Variants in HKDC1 observed in about 807,000 individuals in gnomAD.
HKDC1 encodes the protein hexokinase HKDC1.
HKDC1 carries 66 observed loss-of-function variants against 96.6 expected under a neutral mutation model. That is an observed-to-expected ratio of 0.68 (90% CI 0.56 to 0.84). The LOEUF is 0.84. Among genes scored for constraint, HKDC1 ranks in the 40% least tolerant of loss-of-function variants. HKDC1 has a pLI of 0.00. For synonymous variants in HKDC1, 466 were observed against 473.1 expected (o/e 0.98, Z 0.20); for missense variants, 1,211 against 1,208.1 (o/e 1.00, Z -0.04).
intron 16 of HKDC1, among the ~76,000 whole-genome samples, chr10:69,262,882 A>G (rs748640891): frequency 7.9e-5 from 12 of 151,568 alleles, no homozygotes; most frequent in Non-Finnish European, 1.6e-4. Flanking sequence ...CTTCTCCCTC[A>G]TAAGCAATAG....
chr10:69,221,098 C>T (rs935149309), intron 1 of HKDC1, among the ~76,000 whole-genome samples: 2 of 151,846 alleles, frequency 1.3e-5, no homozygotes, highest in Non-Finnish European at 2.9e-5. Flanking sequence ...TGCAGTGAGC[C>T]GAGATCGCGC....
chr10:69,240,582 T>C (rs1165988679), intron 5 of HKDC1, 70 bp from the exon 6 acceptor site: 18 of 1,298,216 alleles, frequency 1.4e-5, no homozygotes, highest in African/African-American at 2.9e-5. Context: ...ACCTGCTGCC[T>C]CTGTGGGGAA....
intron 2 of HKDC1, among the ~76,000 whole-genome samples, chr10:69,228,699 C>G (rs1037662417): frequency 1.3e-5 from 2 of 152,082 alleles, no homozygotes. Context: ...AACTCCACCT[C>G]TACTAAAAAT....
rs774312956 is a variant in HKDC1, at chr10:69,265,631, G to A, written c.2419G>A (p.Gly807Ser). 1.3e-5 allele frequency: 21 copies of A among 1,613,942 alleles called. No homozygotes were observed. The East Asian group carries it at 4.2e-4, about 33-fold the overall frequency. ...LQVRRILQQL[G>S]LDSTCEDSIV... The stretch of plus-strand genomic sequence containing the variant: ...GGTCAGGAGGATTCTGCAGCAGCTG[G>A]GCCTGGACAGCACGTGTGAGGACAG... The change falls in exon 17 of 18, where the codon GGC becomes AGC. Residue 807 changes from glycine (G) to serine (S), a missense_variant. Transcript: ENST00000354624.
At chr10:69,261,347 A>AC in intron 16 of HKDC1, 53 bp downstream of exon 16, 1 of 1,572,268 alleles carries the variant, frequency 6.4e-7, no homozygotes, top group South Asian at 1.1e-5. Flanking sequence ...TGCTGCCACC[A>AC]CGCTGGGGTT....
At chr10:69,259,657 T>C (rs1436414498) in intron 15 of HKDC1, among the ~76,000 whole-genome samples, 1 of 152,210 alleles carries the variant, frequency 6.6e-6, no homozygotes, top group Non-Finnish European at 1.5e-5. Context: ...CCACAGGCTG[T>C]GCAGGAAGCA....
intron 10 of HKDC1, among the ~76,000 whole-genome samples, chr10:69,249,788 C>G (rs1236550508): frequency 6.6e-6 from 1 of 152,170 alleles, no homozygotes; most frequent in Admixed American, 6.5e-5. Context: ...CGTGAGCCAC[C>G]GCGCCAGACC....
rs1843621643 is a variant in HKDC1 at position 69,250,401 on chromosome 10, T to C, written c.1682T>C (p.Ile561Thr). 6.2e-7 allele frequency: 1 copy of C among 1,613,516 alleles called. No homozygotes were observed. Among genetic ancestry groups the C allele is most frequent in the Non-Finnish European group, 8.5e-7 (1 of 1,179,602 alleles). ...SVRMYNKIFA[I>T]PLEIMQGTGE... The stretch of plus-strand genomic sequence containing the variant: ...CGAATGTACAACAAGATCTTCGCCA[T>C]CCCCCTGGAGATCATGCAGGGCACT... The change falls in exon 11 of 18, where the codon ATC becomes ACC. Residue 561 changes from isoleucine (I) to threonine (T), a missense_variant. By Grantham distance (89) the Ile-to-Thr change is moderately conservative (BLOSUM62 -1). Transcript: ENST00000354624.
intron 1 of HKDC1, among the ~76,000 whole-genome samples, chr10:69,222,586 C>A (rs183822618): frequency 8.5e-5 from 13 of 152,162 alleles, no homozygotes; most frequent in Admixed American, 2.0e-4. Flanking sequence ...TAGGATCATG[C>A]GGGACATGTT....
chr10:69,235,757 C>G (rs772640429), intron 4 of HKDC1, among the ~76,000 whole-genome samples: 2 of 152,134 alleles, frequency 1.3e-5, no homozygotes, highest in Non-Finnish European at 2.9e-5. Flanking sequence ...AGGGTGTGAA[C>G]GGATGGTTTA....
intron 4 of HKDC1, among the ~76,000 whole-genome samples, chr10:69,236,377 G>A (rs970299886): frequency 6.6e-6 from 1 of 151,650 alleles, no homozygotes; most frequent in Non-Finnish European, 1.5e-5. Flanking sequence ...CAAAGTGCTG[G>A]GATTGCAGGC....
intron 6 of HKDC1, 91 bp from the exon 7 acceptor site, chr10:69,243,091 A>G (rs746614442): frequency 9.1e-6 from 12 of 1,313,060 alleles, no homozygotes; most frequent in African/African-American, 1.5e-5. Context: ...TTTGTGGTAC[A>G]TTGAGGAGGA....
In HKDC1 at chr10:69,265,718, G is replaced by A; in HGVS notation, c.2506G>A (p.Gly836Ser). 6.2e-7 allele frequency: 1 copy of A among 1,613,474 alleles called. No homozygotes were observed. Among genetic ancestry groups the A allele is most frequent in the South Asian group, 1.1e-5 (1 of 91,056 alleles). Residue 836 changes from glycine to serine, a missense_variant, in exon 17 of 18, where the codon GGC becomes AGC. Coordinates refer to ENST00000354624, the MANE Select transcript of HKDC1 (RefSeq NM_025130.4). Reference protein sequence around the residue: ...SRRAAQLCGAGLAAIVEKRRE... With the variant: ...SRRAAQLCGASLAAIVEKRRE... The stretch of plus-strand genomic sequence containing the variant: ...GCGGGCGGCCCAGCTCTGCGGTGCT[G>A]GCCTGGCCGCTATAGTGGAAAAAAG...
chr10:69,241,732 G>A (rs956116744), intron 6 of HKDC1, among the ~76,000 whole-genome samples: 3 of 152,174 alleles, frequency 2.0e-5, no homozygotes, highest in Non-Finnish European at 4.4e-5. Flanking sequence ...TGATTCACCC[G>A]CCTTGGTCTC....
intron 10 of HKDC1, among the ~76,000 whole-genome samples, chr10:69,249,252 A>G (rs1843597286): frequency 6.6e-6 from 1 of 152,214 alleles, no homozygotes; most frequent in Admixed American, 6.5e-5. Context: ...ACCTCTTTGA[A>G]TCTCACGAGA....
At chr10:69,253,887 A>G (rs1362092879) in intron 12 of HKDC1, among the ~76,000 whole-genome samples, 1 of 152,210 alleles carries the variant, frequency 6.6e-6, no homozygotes, top group Non-Finnish European at 1.5e-5. Context: ...CTCATCAGCC[A>G]AGCTTCCGAG....
At chr10:69,245,353 G>C (rs1843522979) in intron 7 of HKDC1, among the ~76,000 whole-genome samples, 1 of 152,012 alleles carries the variant, frequency 6.6e-6, no homozygotes, top group Admixed American at 6.6e-5. Context: ...GGGAGGCCAG[G>C]GCAGGAGAAA....
At chr10:69,248,777 C>T in intron 10 of HKDC1, 49 bp downstream of exon 10, 1 of 1,500,172 alleles carries the variant, frequency 6.7e-7, no homozygotes, top group South Asian at 1.3e-5. Flanking sequence ...GGGCTCCCGT[C>T]AAAACTCCTT....
rs1354643035 is a variant in HKDC1 at position 69,224,500 on chromosome 10, T to TC, written c.64-2706dup. Among the ~76,000 whole-genome samples the TC allele has an allele frequency of 2.6e-5, 4 of 152,184 alleles. No individual in the cohort carries two copies. The East Asian group carries it at 7.8e-4, about 29-fold the overall frequency. ...GGTTTCACCAGCTTGGCCAGGCTGG[T>TC]CTCGAACTCTGACCTCAGGTGATCC... is the stretch of plus-strand genomic sequence containing the variant. On this transcript the variant is annotated intron_variant, in intron 1 of 17. Coordinates refer to ENST00000354624, the MANE Select transcript of HKDC1 (RefSeq NM_025130.4).
Sources: allele counts gnomAD v4.1 joint callset (sites outside exome capture counted in the v4.1 genomes callset), GRCh38; gene constraint gnomAD v4.1.1; transcripts MANE v1.5; gene names NCBI Gene and HGNC (gene_info 2026-07-23, HGNC 2026-07-21).